RANBP2: variants seen among roughly 807,000 people sequenced by gnomAD.
The protein encoded by RANBP2 is E3 SUMO-protein ligase RanBP2.
Under a neutral mutation model 303.6 loss-of-function variants are expected in RANBP2, and 57 were observed. The observed-to-expected ratio is 0.19, with a 90% CI of 0.15 to 0.23. The LOEUF (loss-of-function observed/expected upper bound fraction) is 0.23, where lower values mean the gene tolerates loss of function less well. Among genes scored for constraint, RANBP2 ranks in the 10% least tolerant of loss-of-function variants. RANBP2 has a pLI of 1.00. For missense variants in RANBP2, 3,138 were observed against 3,780.8 expected (o/e 0.83, Z 4.46); for synonymous variants, 1,167 against 1,301.5 (o/e 0.90, Z 2.23).
At chr2:109,290,078 CTT>C in the RANBP2 span, among the ~76,000 whole-genome samples, 1 of 152,210 alleles carries the variant, frequency 6.6e-6, no homozygotes, top group Non-Finnish European at 1.5e-5. Context: ...AGGAATCTCT[CTT>C]GTGATGCCAA....
At chr2:109,705,414 C>A in the RANBP2 span, among the ~76,000 whole-genome samples, 19 of 151,994 alleles carry the variant, frequency 1.3e-4, no homozygotes, top group South Asian at 1.0e-3. Context: ...CACACACACA[C>A]AAAAAACAAA....
the RANBP2 span, among the ~76,000 whole-genome samples, chr2:109,450,930 A>G: frequency 6.6e-6 from 1 of 152,248 alleles, no homozygotes; most frequent in Non-Finnish European, 1.5e-5. Context: ...TGTTCCAGGC[A>G]AGGACAGCCT....
chr2:109,107,692 A>G, the RANBP2 span, among the ~76,000 whole-genome samples: 2 of 152,146 alleles, frequency 1.3e-5, no homozygotes, highest in Non-Finnish European at 2.9e-5. Flanking sequence ...TTCAACATAA[A>G]TTATTGTGTT....
chr2:109,026,605 CATGTATT>C, the RANBP2 span, among the ~76,000 whole-genome samples: 2 of 152,150 alleles, frequency 1.3e-5, no homozygotes, highest in Non-Finnish European at 2.9e-5. Flanking sequence ...CTGGATATGT[CATGTATT>C]CAAGTGGGGA....
the RANBP2 span, among the ~76,000 whole-genome samples, chr2:109,590,108 A>ATG: frequency 0.13 from 20,205 of 151,184 alleles, 1,821 homozygotes; most frequent in African/African-American, 0.26. Context: ...ATATATATGT[A>ATG]TGTATATATA....
At chr2:108,772,001 T>G in intron 21 of RANBP2, 130 bp downstream of exon 21, 5 of 1,163,886 alleles carry the variant, frequency 4.3e-6, no homozygotes, top group Non-Finnish European at 6.2e-6. Context: ...ATATTTACCC[T>G]AAATGTATGT....
chr2:109,544,119 G>GT, the RANBP2 span: 1 of 1,515,996 alleles, frequency 6.6e-7, no homozygotes, highest in South Asian at 1.2e-5. Context: ...TCAACTTGTA[G>GT]TATCATTCAC....
chr2:108,958,820 G>GGAAGTGTCAGCCAGAGTTA, the RANBP2 span, among the ~76,000 whole-genome samples: 1 of 152,236 alleles, frequency 6.6e-6, no homozygotes, highest in African/African-American at 2.4e-5. Flanking sequence ...ACAGCCACTT[G>GGAAGTGTCAGCCAGAGTTA]GAAGTGTCAG....
At chr2:109,669,459 T>C in the RANBP2 span, among the ~76,000 whole-genome samples, 1 of 151,964 alleles carries the variant, frequency 6.6e-6, no homozygotes, top group Non-Finnish European at 1.5e-5. Context: ...TATAATAAGC[T>C]CAAACAACTC....
At chr2:109,729,422 A>G in the RANBP2 span, among the ~76,000 whole-genome samples, 1 of 152,242 alleles carries the variant, frequency 6.6e-6, no homozygotes, top group East Asian at 1.9e-4. Flanking sequence ...TGAGGCGGGC[A>G]GATAACTTGA....
the RANBP2 span, among the ~76,000 whole-genome samples, chr2:109,072,686 A>C: frequency 6.6e-6 from 1 of 152,196 alleles, no homozygotes; most frequent in Non-Finnish European, 1.5e-5. Context: ...CCTTTGCCAC[A>C]GCTCCCCTTC....
At chr2:109,730,632 C>T in the RANBP2 span, among the ~76,000 whole-genome samples, 1 of 152,280 alleles carries the variant, frequency 6.6e-6, no homozygotes, top group African/African-American at 2.4e-5. Flanking sequence ...ATATTTCTCA[C>T]ATTTCTAGAG....
the RANBP2 span, among the ~76,000 whole-genome samples, chr2:109,168,860 C>G: frequency 1.3e-5 from 2 of 152,344 alleles, no homozygotes; most frequent in South Asian, 2.1e-4. Flanking sequence ...TCTTTGGAAA[C>G]AAATGAATGG....
At chr2:109,243,056 A>G in the RANBP2 span, among the ~76,000 whole-genome samples, 4 of 152,248 alleles carry the variant, frequency 2.6e-5, no homozygotes, top group African/African-American at 4.8e-5. Flanking sequence ...TGTGAGAACA[A>G]TGAAATCGGC....
the RANBP2 span, among the ~76,000 whole-genome samples, chr2:109,642,586 A>G: frequency 1.3e-5 from 2 of 151,980 alleles, no homozygotes; most frequent in Non-Finnish European, 2.9e-5. Context: ...CGTCTCTACT[A>G]AAAATACAAA....
the RANBP2 span, among the ~76,000 whole-genome samples, chr2:109,217,608 A>C: frequency 6.6e-6 from 1 of 152,254 alleles, no homozygotes; most frequent in Non-Finnish European, 1.5e-5. Context: ...TTATAAACAG[A>C]ATCAGTCCAC....
At chr2:109,600,121 T>G in the RANBP2 span, among the ~76,000 whole-genome samples, 2 of 152,106 alleles carry the variant, frequency 1.3e-5, no homozygotes, top group African/African-American at 2.4e-5. Context: ...CTGGGCACAG[T>G]AGGGATGTCA....
At position 108,777,351 on chromosome 2, in the gene RANBP2, G is replaced by GT. The variant is rs1553501412; in HGVS notation, c.8599+124dup. On this transcript the variant is annotated intron_variant, in intron 25 of 28. Transcript: ENST00000283195. The stretch of plus-strand genomic sequence containing the variant: ...AGTTTCTTCCCTTACCCCCCAGTTT[G>GT]TTTTAGTGTTTTAATAATGAAGGGC... The GT allele has an allele frequency of 5.1e-6, 4 of 780,558 alleles. 1 individual carries two copies. The highest frequency in any genetic ancestry group is 3.5e-5 in the African/African-American group (2 of 56,536). The allele number at this position is 780,558 out of a possible 1,614,324, so 48.4% of individuals were successfully genotyped here. A position where few individuals can be genotyped will look rare whatever the true frequency, so the allele number is the denominator to read the frequency against.
chr2:108,830,700 T>C, the RANBP2 span, among the ~76,000 whole-genome samples: 2 of 151,628 alleles, frequency 1.3e-5, no homozygotes, highest in Admixed American at 6.6e-5. Flanking sequence ...CCCAGCTACT[T>C]GGGAGGCTGA....
Sources: allele counts gnomAD v4.1 joint callset (sites outside exome capture counted in the v4.1 genomes callset), GRCh38; gene constraint gnomAD v4.1.1; transcripts MANE v1.5; gene names NCBI Gene and HGNC (gene_info 2026-07-23, HGNC 2026-07-21).